The following THSD7B variants were observed in gnomAD, a reference collection of about 807,000 sequenced individuals.
The protein encoded by THSD7B is thrombospondin type 1 domain containing 7B, also known as thrombospondin type-1 domain-containing protein 7B.
Under a neutral mutation model 213.6 loss-of-function variants are expected in THSD7B, and 138 were observed. The ratio of observed to expected loss-of-function variants is 0.65; its 90% confidence interval spans 0.56 to 0.74. The LOEUF is 0.74. Among genes scored for constraint, THSD7B ranks in the 30% least tolerant of loss-of-function variants. The pLI, the probability that THSD7B is intolerant of heterozygous loss-of-function variation, is 0.00. For synonymous variants in THSD7B, 742 were observed against 687.0 expected, an observed-to-expected ratio of 1.08 and a Z score of -1.25; for missense variants, 1,931 against 1,991.5, an observed-to-expected ratio of 0.97 and a Z score of 0.58.
chr2:136,954,882 G>T (rs1347697607), intron 2 of THSD7B, among the ~76,000 whole-genome samples: 1 of 151,972 alleles, frequency 6.6e-6, no homozygotes, highest in Non-Finnish European at 1.5e-5. Context: ...AATATATATA[G>T]ATACATTTGT....
chr2:137,184,211 G>A (rs1680509042), intron 7 of THSD7B, among the ~76,000 whole-genome samples: 5 of 152,112 alleles, frequency 3.3e-5, no homozygotes, highest in Admixed American at 2.6e-4. Context: ...ATGGTGAAAC[G>A]CAGAGGAGGG....
chr2:136,854,869 G>A lies in THSD7B; in HGVS notation c.-35-27275G>A, dbSNP rs548219758. 1.4e-4 allele frequency among the ~76,000 whole-genome samples: 21 copies of A among 152,106 alleles called. No individual in the cohort carries two copies. The South Asian group carries it at 3.5e-3, about 26-fold the overall frequency. On this transcript the variant is annotated intron_variant, in intron 1 of 27. Transcript: ENST00000409968. ...GATCTTGATTGCTAGTATCTGTAGC[G>A]TCTCTCTCCCCCATGTTTTCCTATA...
intron 1 of THSD7B, among the ~76,000 whole-genome samples, chr2:136,769,578 T>G (rs1681469222): frequency 6.7e-6 from 1 of 150,154 alleles, no homozygotes; most frequent in African/African-American, 2.5e-5. Flanking sequence ...TCATCTGGCA[T>G]CTATAAGAAC....
chr2:137,499,173 A>T (rs113637955), intron 15 of THSD7B, among the ~76,000 whole-genome samples: 52 of 152,278 alleles, frequency 3.4e-4, no homozygotes, highest in Middle Eastern at 3.4e-3. Context: ...GAAAAATCTC[A>T]ATTATTGGTG....
At chr2:137,326,994 C>A (rs1245815780) in intron 12 of THSD7B, among the ~76,000 whole-genome samples, 1 of 152,134 alleles carries the variant, frequency 6.6e-6, no homozygotes, top group African/African-American at 2.4e-5. Flanking sequence ...AATACTTAAG[C>A]TTGTTGATTC....
chr2:137,600,605 G>C (rs1277836194), intron 17 of THSD7B, among the ~76,000 whole-genome samples: 1 of 152,120 alleles, frequency 6.6e-6, no homozygotes, highest in Non-Finnish European at 1.5e-5. Context: ...GGGTGTAGTG[G>C]CACACGCCTG....
chr2:137,120,795 T>C (rs1688532431), intron 5 of THSD7B, among the ~76,000 whole-genome samples: 1 of 152,210 alleles, frequency 6.6e-6, no homozygotes, highest in Non-Finnish European at 1.5e-5. Context: ...CAAACAAGCT[T>C]CCTTTCCAAA....
At chr2:137,145,649 G>A (rs1250840825) in intron 5 of THSD7B, among the ~76,000 whole-genome samples, 2 of 152,030 alleles carry the variant, frequency 1.3e-5, no homozygotes, top group East Asian at 3.9e-4. Flanking sequence ...TTATCTGTGG[G>A]CTTCATCGAT....
intron 1 of THSD7B, among the ~76,000 whole-genome samples, chr2:136,843,759 A>G (rs576754590): frequency 6.6e-6 from 1 of 152,306 alleles, no homozygotes; most frequent in Admixed American, 6.5e-5. Flanking sequence ...TGTACTGAGT[A>G]GGCAAAGAAG....
chr2:137,654,052 T>C (rs1461849705), intron 21 of THSD7B, among the ~76,000 whole-genome samples: 1 of 152,196 alleles, frequency 6.6e-6, no homozygotes, highest in Non-Finnish European at 1.5e-5. Context: ...TGTTTTGGTT[T>C]TTACTGGATA....
intron 15 of THSD7B, among the ~76,000 whole-genome samples, chr2:137,484,250 T>A (rs1410728441): frequency 1.3e-5 from 2 of 149,342 alleles, no homozygotes; most frequent in Admixed American, 6.7e-5. Context: ...AATTCCCAAC[T>A]ATGAGTGAGA....
intron 5 of THSD7B, among the ~76,000 whole-genome samples, chr2:137,129,753 T>C (rs1688694851): frequency 6.6e-6 from 1 of 152,218 alleles, no homozygotes; most frequent in Admixed American, 6.5e-5. Context: ...ATAATACCTT[T>C]TAACTCAGCA....
intron 15 of THSD7B, among the ~76,000 whole-genome samples, chr2:137,457,478 T>C (rs1282640955): frequency 6.6e-6 from 1 of 152,214 alleles, no homozygotes; most frequent in Non-Finnish European, 1.5e-5. Flanking sequence ...AATTTTGCCA[T>C]TGGGAGTCTT....
At chr2:137,049,844 T>C (rs1001350090) in intron 2 of THSD7B, among the ~76,000 whole-genome samples, 4 of 152,208 alleles carry the variant, frequency 2.6e-5, no homozygotes, top group African/African-American at 9.7e-5. Context: ...ACAAATTGCT[T>C]GTTAATGCTG....
chr2:136,989,603 C>A (rs1175538846), intron 2 of THSD7B, among the ~76,000 whole-genome samples: 1 of 152,156 alleles, frequency 6.6e-6, no homozygotes. Context: ...AATTACCCAG[C>A]CTCAGGTATT....
At chr2:137,049,300 A>G (rs891247346) in intron 2 of THSD7B, among the ~76,000 whole-genome samples, 1 of 151,604 alleles carries the variant, frequency 6.6e-6, no homozygotes, top group African/African-American at 2.4e-5. Context: ...TGTTTTACCC[A>G]ATGGCTTTGC....
chr2:137,443,836 G>A (rs1053015012), intron 14 of THSD7B, among the ~76,000 whole-genome samples: 1 of 151,928 alleles, frequency 6.6e-6, no homozygotes, highest in Non-Finnish European at 1.5e-5. Flanking sequence ...ATAAGTTTTT[G>A]TGCTACAAAA....
At chr2:136,942,989 G>T (rs1440551613) in intron 2 of THSD7B, among the ~76,000 whole-genome samples, 1 of 152,176 alleles carries the variant, frequency 6.6e-6, no homozygotes, top group Non-Finnish European at 1.5e-5. Flanking sequence ...CTGTGGCTTT[G>T]TCATAAATAG....
intron 2 of THSD7B, among the ~76,000 whole-genome samples, chr2:136,934,516 A>ATAAACAAATTATTG (rs1460252091): frequency 6.6e-6 from 1 of 152,196 alleles, no homozygotes; most frequent in African/African-American, 2.4e-5. Flanking sequence ...TTATCATTGC[A>ATAAACAAATTATTG]TAAACAAATT....
Sources: gnomAD v4.1 joint callset for allele counts (sites outside exome capture counted in the v4.1 genomes callset) on GRCh38, gnomAD v4.1.1 for gene constraint, MANE v1.5 for transcripts, NCBI Gene and HGNC (gene_info 2026-07-23, HGNC 2026-07-21) for gene names.